The following OR6N1 variants were observed in gnomAD, a reference collection of about 807,000 sequenced individuals.
OR6N1 encodes olfactory receptor 6N1.
For synonymous variants in OR6N1, 170 were observed against 150.7 expected (o/e 1.13, Z -0.94); for missense variants, 394 against 371.7 (o/e 1.06, Z -0.49).
the OR6N1 span, among the ~76,000 whole-genome samples, chr1:158,821,663 A>G: frequency 2.0e-5 from 3 of 152,262 alleles, no homozygotes; most frequent in East Asian, 5.8e-4. Context: ...GATATACCAC[A>G]GTTTATTGAT....
chr1:158,793,209 C>A, the OR6N1 span, among the ~76,000 whole-genome samples: 5 of 150,190 alleles, frequency 3.3e-5, no homozygotes, highest in African/African-American at 1.2e-4. Context: ...TGTTGATTTT[C>A]ATTTTTCTTT....
At chr1:158,787,260 G>C in the OR6N1 span, among the ~76,000 whole-genome samples, 1 of 151,978 alleles carries the variant, frequency 6.6e-6, no homozygotes, top group Non-Finnish European at 1.5e-5. Flanking sequence ...CTTCCTGAAG[G>C]CTCACCAGAA....
chr1:158,812,657 G>T, the OR6N1 span, among the ~76,000 whole-genome samples: 1 of 152,122 alleles, frequency 6.6e-6, no homozygotes. Context: ...TGATTAAAAA[G>T]AAATAAGTAA....
chr1:158,789,002 T>A, the OR6N1 span, among the ~76,000 whole-genome samples: 1 of 152,156 alleles, frequency 6.6e-6, no homozygotes, highest in Non-Finnish European at 1.5e-5. Context: ...AAACTTTATT[T>A]CCTTCACCCT....
the OR6N1 span, among the ~76,000 whole-genome samples, chr1:158,806,210 T>C: frequency 1.3e-5 from 2 of 152,142 alleles, no homozygotes; most frequent in African/African-American, 4.8e-5. Flanking sequence ...GTCAGCAGAA[T>C]AGAGTTTTGC....
the OR6N1 span, among the ~76,000 whole-genome samples, chr1:158,805,468 G>A: frequency 2.8e-4 from 43 of 152,160 alleles, no homozygotes; most frequent in African/African-American, 8.7e-4. Context: ...TGAACAGAAA[G>A]GCCACTTACT....
the OR6N1 span, chr1:158,777,325 A>G: frequency 6.2e-7 from 1 of 1,614,184 alleles, no homozygotes; most frequent in Non-Finnish European, 8.5e-7. Flanking sequence ...CAAGGAGTGG[A>G]AGAAGTAGGT....
the OR6N1 span, among the ~76,000 whole-genome samples, chr1:158,778,588 T>C: frequency 6.6e-6 from 1 of 152,246 alleles, no homozygotes; most frequent in Admixed American, 6.5e-5. Context: ...GAGTGACTGG[T>C]CAGATGTAGA....
At chr1:158,813,533 A>G in the OR6N1 span, among the ~76,000 whole-genome samples, 1 of 152,114 alleles carries the variant, frequency 6.6e-6, no homozygotes, top group Admixed American at 6.5e-5. Flanking sequence ...ATAAAGAAAA[A>G]TGGAAAGACT....
chr1:158,833,671 C>T, the OR6N1 span, among the ~76,000 whole-genome samples: 6 of 152,054 alleles, frequency 3.9e-5, no homozygotes, highest in South Asian at 1.0e-3. Flanking sequence ...ATTCTTTCTT[C>T]CTAGGGTAGA....
upstream of OR6N1, chr1:158,776,787 T>C: frequency 6.2e-7 from 1 of 1,614,004 alleles, no homozygotes; most frequent in Non-Finnish European, 8.5e-7. Flanking sequence ...GATTGACCAT[T>C]GGTGTTAGTA....
At chr1:158,813,581 A>T in the OR6N1 span, among the ~76,000 whole-genome samples, 1 of 152,162 alleles carries the variant, frequency 6.6e-6, no homozygotes, top group African/African-American at 2.4e-5. Flanking sequence ...CCTATTGTGA[A>T]TATAGAGGCT....
At chr1:158,812,892 C>T in the OR6N1 span, among the ~76,000 whole-genome samples, 1 of 152,104 alleles carries the variant, frequency 6.6e-6, no homozygotes. Flanking sequence ...TTCCCACCCT[C>T]ATACTAGGGA....
Position 158,766,463 on chromosome 1 carries a change from T to A in OR6N1, c.220A>T (p.Thr74Ser). 6.2e-7 allele frequency: 1 copy of A among 1,614,156 alleles called. No individual in the cohort carries two copies. Among genetic ancestry groups the A allele is most frequent in the Non-Finnish European group, 8.5e-7 (1 of 1,180,030 alleles). The change falls in exon 2 of 2, where the codon ACA (threonine) becomes TCA (serine). Residue 74 changes from threonine (T) to serine (S), a missense_variant. Physicochemically the swap from Thr to Ser is moderately conservative, Grantham distance 58. Coordinates refer to ENST00000641846, the MANE Select transcript of OR6N1 (RefSeq NM_001005185.2). ...SILSFSELGYTAATIPKMLAN... is the reference protein window; with the variant it reads ...SILSFSELGYSAATIPKMLAN... ...AGCATCTTAGGGATGGTGGCAGCTG[T>A]ATAGCCAAGCTCTGAGAAGGAGAGA...
the OR6N1 span, among the ~76,000 whole-genome samples, chr1:158,798,886 G>A: frequency 1.3e-5 from 2 of 152,138 alleles, no homozygotes; most frequent in African/African-American, 4.8e-5. Flanking sequence ...CCACTGCATG[G>A]CAGAAAGCAG....
the OR6N1 span, among the ~76,000 whole-genome samples, chr1:158,837,370 T>A: frequency 0.18 from 27,601 of 151,774 alleles, 2,630 homozygotes; most frequent in South Asian, 0.33. Flanking sequence ...AAATGTTTCA[T>A]ATATTAGGAG....
the OR6N1 span, among the ~76,000 whole-genome samples, chr1:158,821,458 T>C: frequency 6.6e-6 from 1 of 152,190 alleles, no homozygotes; most frequent in Admixed American, 6.5e-5. Context: ...AAAAATACTG[T>C]TCTCTATTAA....
At chr1:158,830,540 C>A in the OR6N1 span, among the ~76,000 whole-genome samples, 5 of 152,122 alleles carry the variant, frequency 3.3e-5, no homozygotes, top group Non-Finnish European at 7.3e-5. Flanking sequence ...CTAACTGATA[C>A]CATTCATTTG....
At chr1:158,813,636 C>T in the OR6N1 span, among the ~76,000 whole-genome samples, 1 of 151,202 alleles carries the variant, frequency 6.6e-6, no homozygotes, top group African/African-American at 2.4e-5. Context: ...GTTAAAGCAA[C>T]ACTCTTCTCT....
Sources: gnomAD v4.1 joint callset for allele counts (sites outside exome capture counted in the v4.1 genomes callset) on GRCh38, gnomAD v4.1.1 for gene constraint, MANE v1.5 for transcripts, NCBI Gene and HGNC (gene_info 2026-07-23, HGNC 2026-07-21) for gene names.